The following C9 variants were observed in gnomAD, a reference collection of about 807,000 sequenced individuals.
C9 encodes the protein complement C9, also known as complement component C9.
In C9, 63 loss-of-function variants were observed where a neutral mutation model predicts 65.4. The ratio of observed to expected loss-of-function variants is 0.96; its 90% CI spans 0.79 to 1.19. The LOEUF (loss-of-function observed/expected upper bound fraction) is 1.19. Among genes scored for constraint, C9 ranks in the 50% most tolerant of loss-of-function variants. C9 has a pLI of 0.00. For missense variants in C9, 744 were observed against 670.1 expected, an observed-to-expected ratio of 1.11 and a Z score of -1.22; for synonymous variants, 229 against 227.9, an observed-to-expected ratio of 1.00 and a Z score of -0.04.
intron 5 of C9, among the ~76,000 whole-genome samples, chr5:39,329,231 C>T (rs1448326171): frequency 2.0e-5 from 3 of 152,270 alleles, no homozygotes; most frequent in African/African-American, 2.4e-5. Flanking sequence ...ATAAAGTGGT[C>T]AGTAAGTCTT....
rs1754082603 is a variant in C9, at chr5:39,341,540, C to A, written c.328+16G>T. The A allele has an allele frequency of 1.2e-6, 2 of 1,613,102 alleles. No individual in the cohort carries two copies. Among genetic ancestry groups the A allele is most frequent in the African/African-American group, 1.3e-5 (1 of 74,848 alleles). Reference sequence around the variant, plus strand: ...ACACAGAAAGCCACAATGAGCAATTCAAGCACAAAGATTACCTGTACTGCA... The same window carrying A: ...ACACAGAAAGCCACAATGAGCAATTAAAGCACAAAGATTACCTGTACTGCA... On this transcript the variant is annotated intron_variant, in intron 3 of 10. Transcript: ENST00000263408.
intron 4 of C9, among the ~76,000 whole-genome samples, chr5:39,338,511 G>A (rs1047292142): frequency 6.6e-5 from 10 of 152,170 alleles, no homozygotes; most frequent in Admixed American, 2.0e-4. Context: ...TGGAGATACA[G>A]TGTGGAAAAA....
Position 39,306,514 on chromosome 5 carries a change from G to T in C9, c.1416+103C>A, listed in dbSNP as rs1054950842. The T allele has an allele frequency of 5.3e-6, 5 of 935,818 alleles. No homozygotes were observed. The South Asian group carries it at 5.4e-5, about 10-fold the overall frequency. 58.0% of individuals were successfully genotyped at this position (935,818 alleles called of 1,614,324 possible). A position where few individuals can be genotyped will look rare whatever the true frequency, so the allele number is the denominator to read the frequency against. On this transcript the variant is annotated intron_variant, in intron 9 of 10. Coordinates refer to ENST00000263408, the MANE Select transcript of C9 (RefSeq NM_001737.5). ...GGAAGAAATGGGAGTGTATCTGAAT[G>T]TTCACGTCTCTTTCAGATGAAGCTA...
intron 4 of C9, 109 bp downstream of exon 4, chr5:39,341,037 G>T: frequency 8.4e-7 from 1 of 1,186,038 alleles, no homozygotes; most frequent in Non-Finnish European, 1.3e-6. Context: ...CCCATCAGCT[G>T]TATCACCTAT....
intron 5 of C9, among the ~76,000 whole-genome samples, chr5:39,329,744 TAATAAG>T (rs1235242783): frequency 2.6e-5 from 4 of 152,172 alleles, no homozygotes; most frequent in Non-Finnish European, 5.9e-5. Context: ...TTGGTATTGG[TAATAAG>T]CTATAAAGAA....
intron 1 of C9, among the ~76,000 whole-genome samples, chr5:39,344,258 G>T (rs1048326239): frequency 2.0e-5 from 3 of 152,178 alleles, no homozygotes; most frequent in Non-Finnish European, 4.4e-5. Context: ...CCAATGCAAA[G>T]AAGCTAAAAC....
chr5:39,297,945 T>A (rs1753213852), intron 9 of C9, among the ~76,000 whole-genome samples: 1 of 151,558 alleles, frequency 6.6e-6, no homozygotes, highest in Admixed American at 6.6e-5. Flanking sequence ...CTCAATATAT[T>A]GAGAATAATG....
At chr5:39,353,426 C>G (rs1032568464) in intron 1 of C9, among the ~76,000 whole-genome samples, 2 of 152,158 alleles carry the variant, frequency 1.3e-5, no homozygotes, top group Non-Finnish European at 2.9e-5. Context: ...TCCACTTAAG[C>G]TCCAGCTACA....
chr5:39,325,099 GAA>G (rs1007645417), intron 5 of C9, among the ~76,000 whole-genome samples: 7 of 152,144 alleles, frequency 4.6e-5, no homozygotes, highest in African/African-American at 1.7e-4. Flanking sequence ...AGTAAGTAGA[GAA>G]AACTGTTGAA....
intron 8 of C9, among the ~76,000 whole-genome samples, chr5:39,307,585 C>T (rs1753404625): frequency 6.6e-6 from 1 of 152,070 alleles, no homozygotes; most frequent in African/African-American, 2.4e-5. Context: ...CTCACTTTTG[C>T]CTCCCCACTA....
chr5:39,308,091 T>C, intron 8 of C9, 139 bp downstream of exon 8: 1 of 818,772 alleles, frequency 1.2e-6, no homozygotes, highest in Non-Finnish European at 2.1e-6. Flanking sequence ...TTTATAGTGG[T>C]TTGAAAACCG....
rs183460352 is a variant in C9 at position 39,316,335 on chromosome 5, A to G, written c.616-306T>C. On this transcript the variant is annotated intron_variant, in intron 5 of 10. Coordinates refer to ENST00000263408, the MANE Select transcript of C9 (RefSeq NM_001737.5). The stretch of plus-strand genomic sequence containing the variant: ...ATAATGCATACGAAGGACTTATAGT[A>G]TAGCAAACTTTTTTTTCAACTTACT... Among the ~76,000 whole-genome samples the G allele has an allele frequency of 2.4e-4, 37 of 151,902 alleles. No individual in the cohort carries two copies. In the East Asian group the frequency reaches 6.5e-3, roughly 27 times the overall value.
intron 7 of C9, 32 bp from the exon 8 acceptor site, chr5:39,308,390 A>G (rs762750770): frequency 2.6e-6 from 4 of 1,514,140 alleles, no homozygotes; most frequent in East Asian, 4.5e-5. Context: ...AAATTATTAG[A>G]TAATGTCTAC....
rs550982134 is a variant in C9 at position 39,311,509 on chromosome 5, C to T, written c.871-132G>A. ...GACCATGAGATACCACTCTAATCCA[C>T]CAGAAGGGCTAAATGTAAAATACTA... On this transcript the variant is annotated intron_variant, in intron 6 of 10. Coordinates refer to ENST00000263408, the MANE Select transcript of C9 (RefSeq NM_001737.5). The T allele has an allele frequency of 8.9e-4, 691 of 778,948 alleles. 11 individuals are homozygous for T. Among genetic ancestry groups the T allele is most frequent in the South Asian group, 8.4e-3 (548 of 65,574 alleles). The allele number at this position is 778,948 out of a possible 1,614,324, so 48.3% of individuals were successfully genotyped here. A position where few individuals can be genotyped will look rare whatever the true frequency, so the allele number is the denominator to read the frequency against.
intron 9 of C9, among the ~76,000 whole-genome samples, chr5:39,303,291 T>C (rs528618215): frequency 1.1e-4 from 17 of 152,038 alleles, no homozygotes; most frequent in Middle Eastern, 6.8e-3. Context: ...ATGACAAAAG[T>C]AAGTACTGAA....
intron 5 of C9, among the ~76,000 whole-genome samples, chr5:39,319,855 A>G (rs890648242): frequency 1.3e-5 from 2 of 152,030 alleles, no homozygotes; most frequent in African/African-American, 4.8e-5. Flanking sequence ...GTTGACCTCT[A>G]TGGATACAGG....
chr5:39,333,575 T>TC (rs779025248), intron 4 of C9, among the ~76,000 whole-genome samples: 4 of 135,334 alleles, frequency 3.0e-5, no homozygotes, highest in Non-Finnish European at 6.6e-5. Context: ...CCTCTCCCTC[T>TC]CCCTCTCCGT....
chr5:39,354,284 C>T (rs554006964), intron 1 of C9, among the ~76,000 whole-genome samples: 1 of 152,288 alleles, frequency 6.6e-6, no homozygotes, highest in Admixed American at 6.5e-5. Flanking sequence ...AGCACATACA[C>T]CTTAATGCCC....
At chr5:39,315,258 G>C (rs1753549572) in intron 6 of C9, among the ~76,000 whole-genome samples, 1 of 152,036 alleles carries the variant, frequency 6.6e-6, no homozygotes, top group African/African-American at 2.4e-5. Context: ...TTCCAAGAGT[G>C]GTAGAACAAA....
Sources: allele counts gnomAD v4.1 joint callset (sites outside exome capture counted in the v4.1 genomes callset), GRCh38; gene constraint gnomAD v4.1.1; transcripts MANE v1.5; gene names NCBI Gene and HGNC (gene_info 2026-07-23, HGNC 2026-07-21).